PRKN: variants seen among roughly 807,000 people sequenced by gnomAD.
PRKN encodes parkin RBR E3 ubiquitin protein ligase, also known as E3 ubiquitin-protein ligase parkin.
PRKN carries 56 observed loss-of-function variants against 59.5 expected under a neutral mutation model. The observed-to-expected ratio is 0.94, with a 90% CI of 0.76 to 1.18. The LOEUF is 1.18. Ranked by LOEUF, PRKN falls within the 50% of genes most tolerant of loss-of-function variation. The pLI is 0.00. For missense variants in PRKN, 657 were observed against 596.4 expected (o/e 1.10, Z -1.06); for synonymous variants, 250 against 222.1 (o/e 1.13, Z -1.12).
chr6:162,016,099 C>T (rs1478798231), intron 5 of PRKN, among the ~76,000 whole-genome samples: 1 of 151,722 alleles, frequency 6.6e-6, no homozygotes, highest in Non-Finnish European at 1.5e-5. Flanking sequence ...TGTTATAGGG[C>T]AATTTTCTGC....
intron 1 of PRKN, among the ~76,000 whole-genome samples, chr6:162,625,163 G>A (rs1782832619): frequency 6.6e-6 from 1 of 152,114 alleles, no homozygotes; most frequent in African/African-American, 2.4e-5. Flanking sequence ...CTTCTGTCGT[G>A]GAGTGAGGGC....
chr6:162,693,453 C>G (rs1339742981), intron 1 of PRKN, among the ~76,000 whole-genome samples: 1 of 152,160 alleles, frequency 6.6e-6, no homozygotes, highest in Non-Finnish European at 1.5e-5. Flanking sequence ...TTTGGGCTGA[C>G]AGTGAGCAGT....
At chr6:162,192,196 C>T (rs1405372920) in intron 4 of PRKN, among the ~76,000 whole-genome samples, 1 of 152,018 alleles carries the variant, frequency 6.6e-6, no homozygotes, top group Non-Finnish European at 1.5e-5. Flanking sequence ...GATTGTAGAT[C>T]ACTTAACCAA....
At chr6:162,589,503 CT>C (rs201978059) in intron 1 of PRKN, among the ~76,000 whole-genome samples, 17 of 151,452 alleles carry the variant, frequency 1.1e-4, no homozygotes, top group African/African-American at 2.2e-4. Context: ...CATAAGTACA[CT>C]TTTTTTTTGT....
At chr6:162,624,036 G>T (rs1394590193) in intron 1 of PRKN, among the ~76,000 whole-genome samples, 1 of 152,074 alleles carries the variant, frequency 6.6e-6, no homozygotes, top group Non-Finnish European at 1.5e-5. Flanking sequence ...ATCACCTGAG[G>T]TCGGGAGGTC....
intron 4 of PRKN, among the ~76,000 whole-genome samples, chr6:162,164,357 C>T (rs1455788677): frequency 3.4e-5 from 5 of 148,394 alleles, no homozygotes; most frequent in South Asian, 2.1e-4. Flanking sequence ...TACAGGTCTG[C>T]GCTACCATGC....
At chr6:162,134,003 A>G (rs896290533) in intron 4 of PRKN, among the ~76,000 whole-genome samples, 9 of 152,230 alleles carry the variant, frequency 5.9e-5, no homozygotes, top group Non-Finnish European at 1.2e-4. Flanking sequence ...GTTATTTACG[A>G]AATAATGTAA....
At chr6:162,605,292 T>C (rs1046224370) in intron 1 of PRKN, among the ~76,000 whole-genome samples, 5 of 152,262 alleles carry the variant, frequency 3.3e-5, no homozygotes, top group Non-Finnish European at 5.9e-5. Context: ...CCCACATTGA[T>C]TCCCATATTA....
intron 6 of PRKN, among the ~76,000 whole-genome samples, chr6:161,820,382 TA>T (rs1377273697): frequency 1.3e-5 from 2 of 151,432 alleles, no homozygotes; most frequent in Admixed American, 6.6e-5. Flanking sequence ...CCTGTGACAA[TA>T]AAATATATGG....
Position 161,369,835 on chromosome 6 carries a change from C to A in PRKN, c.1168-9630G>T. ...GATTATAGGAAATATATTTCATATA[C>A]ATATAGAGAGAGACAGAGAGAATCA... On this transcript the variant is annotated intron_variant, in intron 10 of 11. Coordinates refer to ENST00000366898, the MANE Select transcript of PRKN (RefSeq NM_004562.3). The surrounding 1 kb of genome is among the most constrained non-coding windows in gnomAD (Gnocchi z 5.8). 8.2e-6 allele frequency: 2 copies of A among 243,204 alleles called. No individual in the cohort carries two copies. The highest frequency in any genetic ancestry group is 1.8e-5 in the Non-Finnish European group (2 of 109,298). The allele number at this position is 243,204 out of a possible 1,614,324, so 15.1% of individuals were successfully genotyped here. A position where few individuals can be genotyped will look rare whatever the true frequency, so the allele number is the denominator to read the frequency against.
At chr6:162,472,323 T>A (rs920524325) in intron 1 of PRKN, among the ~76,000 whole-genome samples, 1 of 150,944 alleles carries the variant, frequency 6.6e-6, no homozygotes, top group Non-Finnish European at 1.5e-5. Context: ...TCATTTACAT[T>A]AGGTATATCT....
At chr6:162,519,841 T>C (rs928330377) in intron 1 of PRKN, among the ~76,000 whole-genome samples, 2 of 152,222 alleles carry the variant, frequency 1.3e-5, no homozygotes, top group Admixed American at 1.3e-4. Flanking sequence ...TAATTTCATA[T>C]ATGAAGGAAA....
chr6:161,601,761 T>G (rs920744171), intron 7 of PRKN, among the ~76,000 whole-genome samples: 2 of 152,066 alleles, frequency 1.3e-5, no homozygotes, highest in African/African-American at 4.8e-5. Context: ...TTTTTGTATT[T>G]TTAGTAGAGA....
chr6:162,423,019 G>A (rs1013727490), intron 2 of PRKN, among the ~76,000 whole-genome samples: 10 of 148,636 alleles, frequency 6.7e-5, no homozygotes, highest in East Asian at 4.0e-4. Flanking sequence ...TCTTCTAGTC[G>A]CTTTCTGGAT....
chr6:161,605,863 G>A (rs1327209272), intron 7 of PRKN, among the ~76,000 whole-genome samples: 1 of 152,058 alleles, frequency 6.6e-6, no homozygotes, highest in African/African-American at 2.4e-5. Flanking sequence ...CCTCTGATGA[G>A]TGGCATATAG....
chr6:161,872,375 C>T (rs889960084), intron 6 of PRKN, among the ~76,000 whole-genome samples: 1 of 152,136 alleles, frequency 6.6e-6, no homozygotes, highest in Non-Finnish European at 1.5e-5. Flanking sequence ...CATTTAATAC[C>T]TCTAGGGATT....
At chr6:162,491,142 T>C (rs1208053975) in intron 1 of PRKN, among the ~76,000 whole-genome samples, 3 of 147,774 alleles carry the variant, frequency 2.0e-5, no homozygotes, top group Admixed American at 2.0e-4. Context: ...TGGTGACACA[T>C]GCCTGTAGTC....
At chr6:161,770,452 CTTTATTTATTTA>C in intron 7 of PRKN, among the ~76,000 whole-genome samples, 1 of 151,028 alleles carries the variant, frequency 6.6e-6, no homozygotes, top group Admixed American at 6.6e-5. Flanking sequence ...GCAATAGAGC[CTTTATTTATTTA>C]TTTATTTATT....
chr6:162,204,717 T>TTG (rs1452409074), intron 3 of PRKN, among the ~76,000 whole-genome samples: 1 of 151,416 alleles, frequency 6.6e-6, no homozygotes, highest in Non-Finnish European at 1.5e-5. Context: ...AAGTTTTGTT[T>TTG]TTTTTTTTTC....
Sources: allele counts gnomAD v4.1 joint callset (sites outside exome capture counted in the v4.1 genomes callset), GRCh38; gene constraint gnomAD v4.1.1; non-coding constraint Gnocchi (gnomAD v3.1); transcripts MANE v1.5; gene names NCBI Gene and HGNC (gene_info 2026-07-23, HGNC 2026-07-21).